GCNT1: variants seen among roughly 807,000 people sequenced by gnomAD.
GCNT1 encodes the protein glucosaminyl (N-acetyl) transferase 1.
In GCNT1, 16 loss-of-function variants were observed where a neutral mutation model predicts 26.2. The observed-to-expected ratio is 0.61, with a 90% CI of 0.41 to 0.93. GCNT1 has a LOEUF of 0.93. GCNT1 is among the 40% of genes least tolerant of loss of function. The pLI is 0.00. For synonymous variants in GCNT1, 183 were observed against 190.8 expected (o/e 0.96, Z 0.34); for missense variants, 477 against 526.7 (o/e 0.91, Z 0.92).
rs141347558 is a variant in GCNT1 at position 76,493,158 on chromosome 9, C to A, written c.-289-7758C>A. Among the ~76,000 whole-genome samples, 258 of 152,224 alleles carry A rather than the reference C, an allele frequency of 1.7e-3. 1 individual carries two copies. The highest frequency in any genetic ancestry group is 5.9e-3 in the African/African-American group (244 of 41,538). ...AATTCATGGGCTTTTTCCTAATTCT[C>A]CTTCATCCTTCTAGAACACAGGTCA... On this transcript the variant is annotated intron_variant, in intron 2 of 3. Coordinates refer to ENST00000376730, the MANE Select transcript of GCNT1 (RefSeq NM_001490.5).
At chr9:76,439,942 A>T (rs1167575165), upstream of GCNT1, among the ~76,000 whole-genome samples, 1 of 151,916 alleles carries the variant, frequency 6.6e-6, no homozygotes, top group African/African-American at 2.4e-5. Flanking sequence ...TCTACTAAAA[A>T]TACAAAAAAT....
At chr9:76,452,778 G>A (rs2131588031) in intron 1 of GCNT1, among the ~76,000 whole-genome samples, 1 of 152,134 alleles carries the variant, frequency 6.6e-6, no homozygotes, top group Non-Finnish European at 1.5e-5. Context: ...ATGAGATTTG[G>A]GCAGGGACAC....
At chr9:76,498,939 ACTG>A (rs1241780592) in intron 2 of GCNT1, among the ~76,000 whole-genome samples, 1 of 152,064 alleles carries the variant, frequency 6.6e-6, no homozygotes, top group Non-Finnish European at 1.5e-5. Context: ...ATATACCTTT[ACTG>A]CTGCTTTCTA....
Position 76,506,740 on chromosome 9 carries a change from G to T in GCNT1, c.*3072G>T, listed in dbSNP as rs774679160. 1.2e-5 allele frequency: 2 copies of T among 166,910 alleles called. No individual in the cohort carries two copies. The highest frequency in any genetic ancestry group is 2.9e-5 in the Non-Finnish European group (2 of 68,074). The allele number at this position is 166,910 out of a possible 1,614,324, so 10.3% of individuals were successfully genotyped here. A position where few individuals can be genotyped will look rare whatever the true frequency, so the allele number is the denominator to read the frequency against. Reference sequence around the variant, plus strand: ...CACTCAGCCTTGAAAATGGAGTGTTGTTGTTTCTAAACATATATTTATGTC... The same window carrying T: ...CACTCAGCCTTGAAAATGGAGTGTTTTTGTTTCTAAACATATATTTATGTC... On this transcript the variant is annotated 3_prime_UTR_variant, in exon 4 of 4. Transcript: ENST00000376730.
At chr9:76,436,095 G>T (rs1043416346) in intron 1 of GCNT1, among the ~76,000 whole-genome samples, 57 of 151,648 alleles carry the variant, frequency 3.8e-4, no homozygotes, top group Non-Finnish European at 3.1e-4. Flanking sequence ...GGGATTACAG[G>T]CATGTGCCAC....
chr9:76,489,134 A>G (rs1238649726), intron 2 of GCNT1, among the ~76,000 whole-genome samples: 1 of 152,174 alleles, frequency 6.6e-6, no homozygotes, highest in Non-Finnish European at 1.5e-5. Context: ...GTGGCTTCTT[A>G]CAGCATGGAA....
chr9:76,457,042 C>A (rs1243071618), upstream of GCNT1, among the ~76,000 whole-genome samples: 1 of 152,120 alleles, frequency 6.6e-6, no homozygotes. Flanking sequence ...AAGATATATT[C>A]CAAAAGTTAA....
chr9:76,411,670 C>T, the GCNT1 span, among the ~76,000 whole-genome samples: 1 of 133,186 alleles, frequency 7.5e-6, no homozygotes, highest in African/African-American at 2.8e-5. Flanking sequence ...ATTTCATTTT[C>T]TCTCCTTTTT....
At chr9:76,482,422 C>G (rs955293483) in intron 2 of GCNT1, among the ~76,000 whole-genome samples, 2 of 151,352 alleles carry the variant, frequency 1.3e-5, no homozygotes, top group Non-Finnish European at 1.5e-5. Context: ...GAGATCGAGA[C>G]CATCCTGGCT....
chr9:76,437,460 G>A (rs1460244777), upstream of GCNT1, among the ~76,000 whole-genome samples: 1 of 152,144 alleles, frequency 6.6e-6, no homozygotes, highest in Non-Finnish European at 1.5e-5. Context: ...GCAACGTCAG[G>A]AAGTTACCTT....
At chr9:76,458,002 A>G (rs1167442649), upstream of GCNT1, among the ~76,000 whole-genome samples, 1 of 151,986 alleles carries the variant, frequency 6.6e-6, no homozygotes, top group African/African-American at 2.4e-5. Flanking sequence ...AAATCTGTGT[A>G]CTTTTTCTCT....
intron 2 of GCNT1, among the ~76,000 whole-genome samples, chr9:76,482,210 T>G (rs116532942): frequency 6.6e-6 from 1 of 152,158 alleles, no homozygotes; most frequent in African/African-American, 2.4e-5. Flanking sequence ...AGAGTTGTAC[T>G]TACGAAAAAC....
intron 2 of GCNT1, among the ~76,000 whole-genome samples, chr9:76,469,054 G>A (rs114185026): frequency 0.018 from 2,738 of 152,192 alleles, 67 homozygotes; most frequent in African/African-American, 0.063. Context: ...CTTTACAATT[G>A]ATTGAAACCC....
In GCNT1 at chr9:76,502,547, G is replaced by T; in HGVS notation, c.166G>T (p.Asp56Tyr). The change falls in exon 4 of 4, where the codon GAT (aspartate) becomes TAT (tyrosine). Residue 56 changes from aspartate (D) to tyrosine (Y), a missense_variant. Coordinates refer to ENST00000376730, the MANE Select transcript of GCNT1 (RefSeq NM_001490.5). Reference protein sequence around the residue: ...LELAGENPSSDINCTKVLQGD... With the variant: ...LELAGENPSSYINCTKVLQGD... ...GCTTGCTGGGGAGAATCCTAGTAGT[G>T]ATATTAATTGCACCAAAGTTTTACA... 1 of 1,614,000 alleles carries T rather than the reference G, an allele frequency of 6.2e-7. No homozygotes were observed. Among genetic ancestry groups the T allele is most frequent in the Non-Finnish European group, 8.5e-7 (1 of 1,179,940 alleles).
At chr9:76,430,400 T>C (rs1823320896) in intron 1 of GCNT1, among the ~76,000 whole-genome samples, 1 of 152,146 alleles carries the variant, frequency 6.6e-6, no homozygotes, top group African/African-American at 2.4e-5. Flanking sequence ...CATTTTTTTT[T>C]TAACAGGGTT....
chr9:76,494,789 G>A (rs999346990), intron 2 of GCNT1, among the ~76,000 whole-genome samples: 4 of 152,160 alleles, frequency 2.6e-5, no homozygotes, highest in African/African-American at 4.8e-5. Context: ...ATAGATGGGC[G>A]AGTCTCACTT....
Position 76,505,229 on chromosome 9 carries a change from G to A in GCNT1, c.*1561G>A, listed in dbSNP as rs1587463176. ...TTAGACAGTTTTAAGGCATTCAACT[G>A]AGAAAACTTTATTTGTCAAAGTCAG... is the stretch of plus-strand genomic sequence containing the variant. On this transcript the variant is annotated 3_prime_UTR_variant, in exon 4 of 4. Transcript: ENST00000376730. 3.1e-5 allele frequency: 10 copies of A among 319,966 alleles called. No individual in the cohort carries two copies. In the East Asian group the frequency reaches 5.2e-4, roughly 17 times the overall value. The allele number at this position is 319,966 out of a possible 1,614,324, so 19.8% of individuals were successfully genotyped here.
intron 1 of GCNT1, among the ~76,000 whole-genome samples, chr9:76,428,265 CAA>C (rs869195487): frequency 0.067 from 1,987 of 29,466 alleles, 2 homozygotes; most frequent in Non-Finnish European, 0.11. Context: ...GACTCCGTCT[CAA>C]AAAAAAAAAA....
At chr9:76,500,591 G>A (rs1825037658) in intron 2 of GCNT1, among the ~76,000 whole-genome samples, 1 of 152,236 alleles carries the variant, frequency 6.6e-6, no homozygotes, top group Non-Finnish European at 1.5e-5. Context: ...CTTCACAGTG[G>A]GGGAAAGGAT....
Sources: gnomAD v4.1 joint callset for allele counts (sites outside exome capture counted in the v4.1 genomes callset) on GRCh38, gnomAD v4.1.1 for gene constraint, MANE v1.5 for transcripts, NCBI Gene and HGNC (gene_info 2026-07-23, HGNC 2026-07-21) for gene names.